The following PTPRK variants were observed in gnomAD, a reference collection of about 807,000 sequenced individuals.
PTPRK encodes receptor-type tyrosine-protein phosphatase kappa.
In PTPRK, 75 loss-of-function variants were observed where a neutral mutation model predicts 178.0. The ratio of observed to expected loss-of-function variants is 0.42; its 90% CI spans 0.35 to 0.51. The LOEUF (loss-of-function observed/expected upper bound fraction) is 0.51. PTPRK is among the 20% of genes least tolerant of loss of function. The pLI is 0.02. For synonymous variants in PTPRK, 637 were observed against 620.6 expected (o/e 1.03, Z -0.39); for missense variants, 1,441 against 1,797.8 (o/e 0.80, Z 3.59).
At chr6:128,502,820 T>C (rs10155795) in intron 1 of PTPRK, among the ~76,000 whole-genome samples, 10,747 of 152,246 alleles carry the variant, frequency 0.071, 775 homozygotes, top group African/African-American at 0.19. Flanking sequence ...AAGTACTAAA[T>C]AAGGGTGTGT....
intron 21 of PTPRK, among the ~76,000 whole-genome samples, chr6:127,986,680 GA>G (rs949342848): frequency 2.6e-5 from 4 of 151,472 alleles, no homozygotes; most frequent in African/African-American, 7.3e-5. Flanking sequence ...GTAGCAAAAG[GA>G]AAAAAAATCC....
intron 6 of PTPRK, among the ~76,000 whole-genome samples, chr6:128,200,155 TA>T (rs1562777712): frequency 6.6e-6 from 1 of 152,222 alleles, no homozygotes; most frequent in Non-Finnish European, 1.5e-5. Context: ...ATATTTCTTT[TA>T]TGTAACATTA....
chr6:128,029,687 A>AATAATCATC (rs557008961), intron 13 of PTPRK, among the ~76,000 whole-genome samples: 3 of 140,142 alleles, frequency 2.1e-5, no homozygotes, highest in Non-Finnish European at 4.6e-5. Context: ...TAATAATAAT[A>AATAATCATC]ATCCAGCCTC....
At chr6:127,981,852 G>A (rs1003188334) in intron 24 of PTPRK, among the ~76,000 whole-genome samples, 1 of 152,062 alleles carries the variant, frequency 6.6e-6, no homozygotes, top group African/African-American at 2.4e-5. Flanking sequence ...TTTTGAGACA[G>A]GGTCTTACTC....
At chr6:128,197,045 T>G (rs1804976803) in intron 6 of PTPRK, among the ~76,000 whole-genome samples, 1 of 152,152 alleles carries the variant, frequency 6.6e-6, no homozygotes, top group Non-Finnish European at 1.5e-5. Context: ...GAAGGTACCA[T>G]GTTTCTTTGG....
chr6:128,475,908 T>A (rs575381370), intron 1 of PTPRK, among the ~76,000 whole-genome samples: 2 of 152,136 alleles, frequency 1.3e-5, no homozygotes, highest in South Asian at 4.1e-4. Context: ...CGATGTTCAG[T>A]GTCAAGTATT....
chr6:128,334,986 G>A (rs1830730356), intron 2 of PTPRK, among the ~76,000 whole-genome samples: 1 of 152,172 alleles, frequency 6.6e-6, no homozygotes, highest in African/African-American at 2.4e-5. Context: ...TACTCGGGAG[G>A]CTGAGGCTGG....
chr6:128,292,079 A>AAACT (rs57928079), intron 3 of PTPRK, among the ~76,000 whole-genome samples: 7,974 of 152,136 alleles, frequency 0.052, 690 homozygotes, highest in African/African-American at 0.18. Context: ...TACCAATAAA[A>AAACT]AACTATTTTA....
At chr6:128,386,741 C>T (rs570105191) in intron 2 of PTPRK, among the ~76,000 whole-genome samples, 36 of 152,256 alleles carry the variant, frequency 2.4e-4, no homozygotes, top group Non-Finnish European at 4.1e-4. Flanking sequence ...TACTACAAGG[C>T]TCATGTCAAT....
At chr6:128,040,176 C>T (rs1776932349) in intron 13 of PTPRK, among the ~76,000 whole-genome samples, 1 of 152,104 alleles carries the variant, frequency 6.6e-6, no homozygotes, top group South Asian at 2.1e-4. Flanking sequence ...CTTATTTGCT[C>T]TAGTCTTTAG....
At chr6:128,338,363 C>T (rs1038604474) in intron 2 of PTPRK, among the ~76,000 whole-genome samples, 14 of 152,020 alleles carry the variant, frequency 9.2e-5, no homozygotes, top group Non-Finnish European at 1.3e-4. Flanking sequence ...GACAGGTATC[C>T]AGAATATACA....
At chr6:128,150,356 T>C (rs1469151903) in intron 7 of PTPRK, among the ~76,000 whole-genome samples, 2 of 152,118 alleles carry the variant, frequency 1.3e-5, no homozygotes, top group Non-Finnish European at 2.9e-5. Context: ...CAAAACTGGA[T>C]TCAAGAGAGG....
At chr6:128,045,033 T>A (rs1301740732) in intron 13 of PTPRK, among the ~76,000 whole-genome samples, 1 of 151,974 alleles carries the variant, frequency 6.6e-6, no homozygotes, top group Non-Finnish European at 1.5e-5. Context: ...CTGTTACAAC[T>A]TTTCTGCCTC....
At chr6:128,261,348 T>C (rs1818147980) in intron 3 of PTPRK, among the ~76,000 whole-genome samples, 1 of 152,194 alleles carries the variant, frequency 6.6e-6, no homozygotes. Flanking sequence ...TTAAAAACAC[T>C]ATAACAAAAA....
At chr6:128,237,881 C>T (rs1209837476) in intron 5 of PTPRK, 1 of 202,364 alleles carries the variant, frequency 4.9e-6, no homozygotes, top group East Asian at 1.6e-4. Flanking sequence ...GTCACTGCCA[C>T]CTTCTAATTG....
intron 2 of PTPRK, among the ~76,000 whole-genome samples, chr6:128,351,004 T>G (rs1278308296): frequency 3.9e-5 from 6 of 152,314 alleles, no homozygotes; most frequent in Admixed American, 3.3e-4. Context: ...CTTCGCTAGG[T>G]GCTGATGAAT....
intron 6 of PTPRK, among the ~76,000 whole-genome samples, chr6:128,192,908 G>A (rs12200548): frequency 0.42 from 60,900 of 146,280 alleles, 15,024 homozygotes; most frequent in East Asian, 0.61. Context: ...AAGGGAGGAA[G>A]AGAAGAAGGG....
rs150989454 is a variant in PTPRK at position 128,438,027 on chromosome 6, C to T, written c.101-40339G>A. On this transcript the variant is annotated intron_variant, in intron 1 of 29. Transcript: ENST00000368226. ...CCGAAAAGTTGCTTCTCCCCATATA[C>T]GGGTTTCCCATCCCGGGATACTGTA... Among the ~76,000 whole-genome samples the T allele has an allele frequency of 3.9e-4, 60 of 152,344 alleles. No homozygotes were observed. In the East Asian group the frequency reaches 0.011, roughly 28 times the overall value.
At chr6:128,396,835 T>C (rs1202660910) in intron 2 of PTPRK, among the ~76,000 whole-genome samples, 1 of 151,920 alleles carries the variant, frequency 6.6e-6, no homozygotes, top group Non-Finnish European at 1.5e-5. Context: ...CCGCCTCCAC[T>C]AAAAATACAA....
Sources: gnomAD v4.1 joint callset for allele counts (sites outside exome capture counted in the v4.1 genomes callset) on GRCh38, gnomAD v4.1.1 for gene constraint, MANE v1.5 for transcripts, NCBI Gene and HGNC (gene_info 2026-07-23, HGNC 2026-07-21) for gene names.